Variants in WDR86 observed in about 807,000 individuals in gnomAD.
WDR86 encodes WD repeat-containing protein 86.
A neutral mutation model predicts 36.5 loss-of-function variants in WDR86; 30 were observed. The ratio of observed to expected loss-of-function variants is 0.82; its 90% CI spans 0.61 to 1.11. The LOEUF (loss-of-function observed/expected upper bound fraction) is 1.11. Ranked by LOEUF, WDR86 falls within the 50% of genes most tolerant of loss-of-function variation. The pLI is 0.00. For missense variants in WDR86, 545 were observed against 561.2 expected, an observed-to-expected ratio of 0.97 and a Z score of 0.29; for synonymous variants, 255 against 252.9, an observed-to-expected ratio of 1.01 and a Z score of -0.08.
At chr7:151,374,393 G>C (rs1329674735), downstream of WDR86, 3 of 1,080,346 alleles carry the variant, frequency 2.8e-6, no homozygotes, top group Admixed American at 6.0e-5. Flanking sequence ...CTGGGCTCCA[G>C]CCCAGACACA....
downstream of WDR86, among the ~76,000 whole-genome samples, chr7:151,372,973 T>A (rs1361727316): frequency 2.6e-5 from 4 of 152,114 alleles, no homozygotes; most frequent in Non-Finnish European, 4.4e-5. Context: ...TCCCTGGAGA[T>A]GTTTCCAGCA....
chr7:151,400,377 A>AGTTTT lies in WDR86; in HGVS notation c.164-141_164-137dup, dbSNP rs1201644984. 101 of 1,026,900 alleles carry AGTTTT rather than the reference A, an allele frequency of 9.8e-5. No individual in the cohort carries two copies. In the African/African-American group the frequency reaches 1.4e-3, roughly 14 times the overall value. The allele number at this position is 1,026,900 out of a possible 1,614,324, so 63.6% of individuals were successfully genotyped here. A position where few individuals can be genotyped will look rare whatever the true frequency, so the allele number is the denominator to read the frequency against. ...AGACAAGCTGGAGTCAATTAGCATT[A>AGTTTT]GTTTTGTTTTGTTTTGTTTTTTTGA... On this transcript the variant is annotated intron_variant, in intron 1 of 5. Transcript: ENST00000334493.
At chr7:151,377,313 ATCTGAATTACAAGTCC>A (rs1298917540), downstream of WDR86, 1 of 958,816 alleles carries the variant, frequency 1.0e-6, no homozygotes, top group African/African-American at 1.7e-5. Context: ...CTTACTTTTT[ATCTGAATTACAAGTCC>A]TCTTTGGGTG....
At chr7:151,371,225 A>T (rs1016552120), downstream of WDR86, among the ~76,000 whole-genome samples, 12 of 152,224 alleles carry the variant, frequency 7.9e-5, 1 homozygote, top group Admixed American at 7.9e-4. Context: ...TGGCCTAAAC[A>T]TCAAAACAAG....
In WDR86 at chr7:151,409,678, GCCCGCGGCCATCGCGGGGAA is replaced by G; in HGVS notation, c.-109_-90del. On this transcript the variant is annotated 5_prime_UTR_variant, in exon 1 of 6. An upstream start codon of the reference 5' UTR is lost. Transcript: ENST00000334493. This position sits in a 1 kb window ranked among gnomAD's most constrained non-coding sequence, Gnocchi z 5.2. ...CGCGCGGCGGCTCCGTACGACTGCG[GCCCGCGGCCATCGCGGGGAA>G]CGGGGAGCCCGACTCCTGCGGAGGC... 7.7e-7 allele frequency: 1 copy of G among 1,292,484 alleles called. No homozygotes were observed. The highest frequency in any genetic ancestry group is 9.8e-7 in the Non-Finnish European group (1 of 1,023,298). The allele number at this position is 1,292,484 out of a possible 1,614,324, so 80.1% of individuals were successfully genotyped here. A position where few individuals can be genotyped will look rare whatever the true frequency, so the allele number is the denominator to read the frequency against.
Position 151,401,910 on chromosome 7 carries a change from G to A in WDR86, c.164-1669C>T, listed in dbSNP as rs541855650. ...TAAAAATACAAAAAATTAGCCGGGC[G>A]TGGTGGTGGGCGCCTGTAATCCCAG... On this transcript the variant is annotated intron_variant, in intron 1 of 5. Transcript: ENST00000334493. This position sits in a 1 kb window ranked among gnomAD's most constrained non-coding sequence, Gnocchi z 4.3. Among the ~76,000 whole-genome samples the A allele has an allele frequency of 4.0e-5, 6 of 150,736 alleles. No homozygotes were observed. In the East Asian group the frequency reaches 5.8e-4, roughly 15 times the overall value.
intron 3 of WDR86, among the ~76,000 whole-genome samples, chr7:151,389,701 G>A (rs1365368278): frequency 2.0e-5 from 3 of 152,152 alleles, no homozygotes; most frequent in Non-Finnish European, 2.9e-5. Flanking sequence ...CTGGTCTCAG[G>A]TGCACCCACC....
chr7:151,402,070 AATATATAT>A (rs748373598), intron 1 of WDR86, among the ~76,000 whole-genome samples: 3 of 50,556 alleles, frequency 5.9e-5, no homozygotes, highest in African/African-American at 2.4e-4. Flanking sequence ...AAAAAAAAAA[AATATATAT>A]ATATATATAT....
At chr7:151,380,481 G>A (rs1330937955), downstream of WDR86, among the ~76,000 whole-genome samples, 2 of 152,200 alleles carry the variant, frequency 1.3e-5, no homozygotes, top group Non-Finnish European at 2.9e-5. Context: ...GCGAGATGAT[G>A]AGCTCTCCAC....
chr7:151,407,899 T>C (rs1223609033), intron 1 of WDR86, among the ~76,000 whole-genome samples: 3 of 152,082 alleles, frequency 2.0e-5, no homozygotes, highest in African/African-American at 7.2e-5. Flanking sequence ...GAGGACTGCA[T>C]CACTGGAGCC....
At chr7:151,379,808 A>C (rs1798468510), downstream of WDR86, among the ~76,000 whole-genome samples, 1 of 152,126 alleles carries the variant, frequency 6.6e-6, no homozygotes, top group African/African-American at 2.4e-5. Flanking sequence ...CTGACGTGTC[A>C]GTGAGGGGCT....
chr7:151,372,787 C>T (rs182226211), downstream of WDR86, among the ~76,000 whole-genome samples: 19 of 152,100 alleles, frequency 1.2e-4, no homozygotes, highest in African/African-American at 4.6e-4. Context: ...CCCTGTGCAG[C>T]GGGGCTGGAG....
chr7:151,398,892 G>C (rs1380109350), intron 2 of WDR86, among the ~76,000 whole-genome samples: 2 of 152,166 alleles, frequency 1.3e-5, no homozygotes, highest in East Asian at 3.8e-4. Context: ...TGCAGCCTCT[G>C]CCTGACTCAC....
Position 151,381,845 on chromosome 7 carries a change from G to C in WDR86, c.966+33C>G. On this transcript the variant is annotated intron_variant, in intron 5 of 5. Coordinates refer to ENST00000334493, the MANE Select transcript of WDR86 (RefSeq NM_198285.3). The surrounding 1 kb of genome is among the most constrained non-coding windows in gnomAD (Gnocchi z 4.8). ...GGGGCGGGGCACCTTCCCTCCCACG[G>C]GCGGCGGCCCCGAGAAGGGCAGAGG... is the stretch of plus-strand genomic sequence containing the variant. 6.3e-7 allele frequency: 1 copy of C among 1,575,042 alleles called. No individual in the cohort carries two copies. Among genetic ancestry groups the C allele is most frequent in the Non-Finnish European group, 8.6e-7 (1 of 1,160,726 alleles).
chr7:151,376,576 CG>C (rs1798273176), downstream of WDR86: 3 of 1,490,218 alleles, frequency 2.0e-6, no homozygotes, highest in Non-Finnish European at 1.8e-6. Flanking sequence ...GTATGGCTGA[CG>C]GGGGTGGCAG....
intron 4 of WDR86, among the ~76,000 whole-genome samples, chr7:151,382,530 T>C (rs1798676865): frequency 6.6e-6 from 1 of 152,226 alleles, no homozygotes; most frequent in East Asian, 1.9e-4. Context: ...GTTTTCCAAC[T>C]GCAACCTGCA....
At chr7:151,376,418 T>C (rs2150727899), downstream of WDR86, 2 of 552,732 alleles carry the variant, frequency 3.6e-6, no homozygotes, top group South Asian at 5.1e-5. Flanking sequence ...TGTCCTGAGA[T>C]GGCTGCTCCC....
intron 3 of WDR86, among the ~76,000 whole-genome samples, chr7:151,386,261 G>A (rs1056374962): frequency 6.6e-6 from 1 of 152,158 alleles, no homozygotes; most frequent in Admixed American, 6.6e-5. Flanking sequence ...TTCCACTGCC[G>A]GTTCCCCATA....
intron 1 of WDR86, among the ~76,000 whole-genome samples, chr7:151,408,125 C>T (rs906548035): frequency 3.9e-5 from 6 of 151,974 alleles, no homozygotes; most frequent in African/African-American, 1.5e-4. Flanking sequence ...CCCAAGTAAC[C>T]GGTAATCCAA....
Sources: gnomAD v4.1 joint callset for allele counts (sites outside exome capture counted in the v4.1 genomes callset) on GRCh38, gnomAD v4.1.1 for gene constraint, Gnocchi (gnomAD v3.1) non-coding constraint, MANE v1.5 for transcripts, NCBI Gene and HGNC (gene_info 2026-07-23, HGNC 2026-07-21) for gene names.